Variants in VPS33A observed in about 807,000 individuals in gnomAD.
The protein encoded by VPS33A is vacuolar protein sorting-associated protein 33A.
VPS33A carries 32 observed loss-of-function variants against 71.8 expected under a neutral mutation model. The observed-to-expected ratio is 0.45, with a 90% CI of 0.34 to 0.60. The LOEUF is 0.60. Among genes scored for constraint, VPS33A ranks in the 20% least tolerant of loss-of-function variants. VPS33A has a pLI of 0.02. For missense variants in VPS33A, 625 were observed against 748.5 expected, an observed-to-expected ratio of 0.84 and a Z score of 1.92; for synonymous variants, 311 against 292.7, an observed-to-expected ratio of 1.06 and a Z score of -0.64.
At position 122,249,810 on chromosome 12, in the gene VPS33A, C is replaced by T. The variant is rs1954820209; in HGVS notation, c.775+61G>A. 5 of 1,457,996 alleles carry T rather than the reference C, an allele frequency of 3.4e-6. No individual in the cohort carries two copies. The Admixed American group carries it at 1.1e-4, about 31-fold the overall frequency. 90.3% of individuals were successfully genotyped at this position (1,457,996 alleles called of 1,614,324 possible). Reference sequence around the variant, plus strand: ...TAAGTGTGCAATATACAAACAGTAGCCTCCACAAAGGATATTCTTCTCATA... The same window carrying T: ...TAAGTGTGCAATATACAAACAGTAGTCTCCACAAAGGATATTCTTCTCATA... On this transcript the variant is annotated intron_variant, in intron 6 of 12. Coordinates refer to ENST00000267199, the MANE Select transcript of VPS33A (RefSeq NM_022916.6).
chr12:122,257,559 G>C (rs1954936357), intron 4 of VPS33A, among the ~76,000 whole-genome samples: 1 of 151,752 alleles, frequency 6.6e-6, no homozygotes, highest in South Asian at 2.1e-4. Context: ...TGTAATCCTA[G>C]TTACTTGGGA....
At chr12:122,239,526 A>C (rs1954681087) in intron 9 of VPS33A, among the ~76,000 whole-genome samples, 1 of 152,152 alleles carries the variant, frequency 6.6e-6, no homozygotes, top group Non-Finnish European at 1.5e-5. Flanking sequence ...ACAAGGTCGG[A>C]GATCGAGACC....
intron 5 of VPS33A, 34 bp downstream of exon 5, chr12:122,250,949 C>T (rs1592922778): frequency 2.0e-6 from 3 of 1,526,204 alleles, no homozygotes; most frequent in East Asian, 4.5e-5. Flanking sequence ...TGTGAAGGGC[C>T]CTCCTTTACC....
At chr12:122,250,525 G>C (rs901340282) in intron 5 of VPS33A, among the ~76,000 whole-genome samples, 1 of 152,154 alleles carries the variant, frequency 6.6e-6, no homozygotes, top group African/African-American at 2.4e-5. Flanking sequence ...GTGCCTGAAC[G>C]AAGCGTCTCT....
intron 6 of VPS33A, among the ~76,000 whole-genome samples, chr12:122,247,790 T>C (rs1954794717): frequency 6.6e-6 from 1 of 152,156 alleles, no homozygotes; most frequent in Non-Finnish European, 1.5e-5. Context: ...TGACTCCCCA[T>C]CCCCTTCCTG....
intron 1 of VPS33A, 107 bp downstream of exon 1, chr12:122,266,200 G>C (rs760916270): frequency 3.3e-5 from 49 of 1,474,696 alleles, no homozygotes; most frequent in Non-Finnish European, 4.2e-5. Context: ...CGCCTCCTTG[G>C]AAGCCCCAAG....
chr12:122,235,816 T>C lies in VPS33A; in HGVS notation c.1410A>G (p.Leu470=). ...CATTAACATCATCCATCCAGAGGCGTAATGTTTTCCGTATAGTTGGGTAAT... is the reference window on the plus strand; with the variant it reads ...CATTAACATCATCCATCCAGAGGCGCAATGTTTTCCGTATAGTTGGGTAAT... ...RNNYPTIRKT[L]RLWMDDVNEQ... is the part of the protein sequence containing the mutation. Residue 470 remains leucine, a synonymous_variant, in exon 11 of 13, where the codon TTA becomes TTG. Transcript: ENST00000267199. The C allele has an allele frequency of 6.2e-7, 1 of 1,613,570 alleles. No homozygotes were observed. The highest frequency in any genetic ancestry group is 1.1e-5 in the South Asian group (1 of 90,952).
chr12:122,250,816 T>G (rs2136138650), intron 5 of VPS33A, 167 bp downstream of exon 5: 1 of 599,418 alleles, frequency 1.7e-6, no homozygotes, highest in Middle Eastern at 4.3e-4. Flanking sequence ...CCATGAGTAC[T>G]GACTTGGAGG....
chr12:122,249,422 A>C (rs1237734950), intron 6 of VPS33A: 2 of 152,332 alleles, frequency 1.3e-5, no homozygotes, highest in African/African-American at 4.8e-5. Context: ...CGGGCATCTC[A>C]CCATGTTTGC....
At chr12:122,260,251 C>A (rs1954974598) in intron 4 of VPS33A, among the ~76,000 whole-genome samples, 1 of 151,712 alleles carries the variant, frequency 6.6e-6, no homozygotes, top group Non-Finnish European at 1.5e-5. Flanking sequence ...CTGAATTTTG[C>A]ACCTTAAAGG....
At chr12:122,251,353 A>C (rs1426630558) in intron 4 of VPS33A, among the ~76,000 whole-genome samples, 1 of 152,134 alleles carries the variant, frequency 6.6e-6, no homozygotes, top group Non-Finnish European at 1.5e-5. Flanking sequence ...TCTGGGAGAA[A>C]ACTGTTCACC....
chr12:122,254,101 T>C (rs569294281), intron 4 of VPS33A, among the ~76,000 whole-genome samples: 121 of 152,278 alleles, frequency 7.9e-4, no homozygotes, highest in African/African-American at 2.8e-3. Context: ...TTTTTATATA[T>C]ACGCGTAAAG....
At chr12:122,234,996 T>G (rs1459960367) in intron 11 of VPS33A, among the ~76,000 whole-genome samples, 4 of 152,108 alleles carry the variant, frequency 2.6e-5, no homozygotes, top group Admixed American at 1.3e-4. Flanking sequence ...CATCTTTATT[T>G]ATTTGAGACA....
rs149313156 is a variant in VPS33A, at chr12:122,259,479, A to C, written c.483+1782T>G. 5.8e-3 allele frequency among the ~76,000 whole-genome samples: 889 copies of C among 152,246 alleles called. 13 individuals carry two copies. Among genetic ancestry groups the C allele is most frequent in the African/African-American group, 0.02 (843 of 41,492 alleles). ...AGTGATCCATCCACCTCAGCCTCCC[A>C]AAGTGCTAGGATCACAGGCGTGAGC... On this transcript the variant is annotated intron_variant, in intron 4 of 12. Transcript: ENST00000267199.
chr12:122,231,518 T>C lies in VPS33A; in HGVS notation c.*728A>G, dbSNP rs1202522217. ...CACTTAACCACTGTCCTAGGCCTGATGCGCCTTGAAGAAATACAGCACTGG... is the reference window on the plus strand; with the variant it reads ...CACTTAACCACTGTCCTAGGCCTGACGCGCCTTGAAGAAATACAGCACTGG... On this transcript the variant is annotated 3_prime_UTR_variant, in exon 13 of 13. Coordinates refer to ENST00000267199, the MANE Select transcript of VPS33A (RefSeq NM_022916.6). 2 of 152,222 alleles carry C rather than the reference T, an allele frequency of 1.3e-5. No individual in the cohort carries two copies. The highest frequency in any genetic ancestry group is 2.4e-5 in the African/African-American group (1 of 41,452). The allele number at this position is 152,222 out of a possible 1,614,324, so 9.4% of individuals were successfully genotyped here.
At position 122,261,380 on chromosome 12, in the gene VPS33A, C is replaced by A; in HGVS notation, c.364G>T (p.Glu122Ter). 6.2e-7 allele frequency: 1 copy of A among 1,613,958 alleles called. No individual in the cohort carries two copies. Among genetic ancestry groups the A allele is most frequent in the East Asian group, 2.2e-5 (1 of 44,864 alleles). The change falls in exon 4 of 13, where the codon GAA becomes TAA. Residue 122 changes from glutamate to a stop codon, truncating the protein, a stop_gained. Transcript: ENST00000267199. LOFTEE classifies it high-confidence loss of function. ...LFVPRRSLLC[E>*]QRLKDLGVLG... ...ACACCCAGATCCTTCAACCGCTGTT[C>A]GCACAACAGGCTACGGCGTGGCACA... is the stretch of plus-strand genomic sequence containing the variant.
intron 9 of VPS33A, 73 bp from the exon 10 acceptor site, chr12:122,238,797 AC>A: frequency 1.6e-6 from 2 of 1,284,650 alleles, no homozygotes; most frequent in East Asian, 2.4e-5. Context: ...ACACACACAC[AC>A]ACACACACAA....
chr12:122,237,138 G>A (rs914356517), intron 10 of VPS33A, among the ~76,000 whole-genome samples: 2 of 152,194 alleles, frequency 1.3e-5, no homozygotes, highest in Non-Finnish European at 2.9e-5. Context: ...AATACTACCT[G>A]AGTCATTTTC....
intron 9 of VPS33A, 99 bp downstream of exon 9, chr12:122,239,779 A>AT: frequency 3.9e-6 from 2 of 507,360 alleles, no homozygotes; most frequent in Non-Finnish European, 6.8e-6. Flanking sequence ...AAAAAAAAAA[A>AT]GGCAAGGCAT....
Sources: allele counts gnomAD v4.1 joint callset (sites outside exome capture counted in the v4.1 genomes callset), GRCh38; gene constraint gnomAD v4.1.1; transcripts MANE v1.5; gene names NCBI Gene and HGNC (gene_info 2026-07-23, HGNC 2026-07-21).